Variants in TLR4 observed in about 807,000 individuals in gnomAD.
TLR4 encodes the protein toll-like receptor 4.
A neutral mutation model predicts 27.4 loss-of-function variants in TLR4; 17 were observed. The observed-to-expected ratio is 0.62, with a 90% CI of 0.42 to 0.93. The LOEUF is 0.93. Among genes scored for constraint, TLR4 ranks in the 40% least tolerant of loss-of-function variants. The pLI is 0.00. For synonymous variants in TLR4, 363 were observed against 365.7 expected (o/e 0.99, Z 0.08); for missense variants, 926 against 962.3 (o/e 0.96, Z 0.50).
Position 117,713,214 on chromosome 9 carries a change from A to C in TLR4, c.1086A>C (p.Lys362Asn), listed in dbSNP as rs778840011. 2.5e-6 allele frequency: 4 copies of C among 1,613,904 alleles called. No individual in the cohort carries two copies. The East Asian group carries it at 8.9e-5, about 36-fold the overall frequency. Reference protein sequence around the residue: ...SLKRLTFTSNKGGNAFSEVDL... With the variant: ...SLKRLTFTSNNGGNAFSEVDL... ...AAAGGCTTACTTTCACTTCCAACAA[A>C]GGTGGGAATGCTTTTTCAGAAGTTG... Residue 362 changes from lysine (K) to asparagine (N), a missense_variant, in exon 3 of 3, where the codon AAA (lysine) becomes AAC (asparagine). Coordinates refer to ENST00000355622, the MANE Select transcript of TLR4 (RefSeq NM_138554.5).
At position 117,714,658 on chromosome 9, in the gene TLR4, AT is replaced by A; in HGVS notation, c.*11del. On this transcript the variant is annotated 3_prime_UTR_variant, in exon 3 of 3. Coordinates refer to ENST00000355622, the MANE Select transcript of TLR4 (RefSeq NM_138554.5). ...AGCAACATCTATCTGAAGAGGAAAAATAAAAACCTCCTGAGGCATTTCTTGC... is the reference window on the plus strand; with the variant it reads ...AGCAACATCTATCTGAAGAGGAAAAAAAAAACCTCCTGAGGCATTTCTTGC... The A allele has an allele frequency of 6.2e-7, 1 of 1,610,992 alleles. No individual in the cohort carries two copies. The highest frequency in any genetic ancestry group is 8.5e-7 in the Non-Finnish European group (1 of 1,179,160).
chr9:117,712,480 G>A lies in TLR4; in HGVS notation c.352G>A (p.Ala118Thr), dbSNP rs199508096. The A allele has an allele frequency of 6.2e-7, 1 of 1,613,866 alleles. No individual in the cohort carries two copies. The highest frequency in any genetic ancestry group is 8.5e-7 in the Non-Finnish European group (1 of 1,179,900). The change falls in exon 3 of 3, where the codon GCC (alanine) becomes ACC (threonine). Residue 118 changes from alanine (A) to threonine (T), a missense_variant. Physicochemically the swap from Ala to Thr is moderately conservative, Grantham distance 58. Coordinates refer to ENST00000355622, the MANE Select transcript of TLR4 (RefSeq NM_138554.5). ...ILTGNPIQSLALGAFSGLSSL... is the reference protein window; with the variant it reads ...ILTGNPIQSLTLGAFSGLSSL... ...GACAGGAAACCCCATCCAGAGTTTAGCCCTGGGAGCCTTTTCTGGACTATC... is the reference window on the plus strand; with the variant it reads ...GACAGGAAACCCCATCCAGAGTTTAACCCTGGGAGCCTTTTCTGGACTATC...
In TLR4 at chr9:117,716,457, A is replaced by G. The variant is rs1322737418; in HGVS notation, c.*1809A>G. The G allele has an allele frequency of 6.6e-6, 1 of 152,234 alleles. No individual in the cohort carries two copies. Among genetic ancestry groups the G allele is most frequent in the Non-Finnish European group, 1.5e-5 (1 of 68,028 alleles). 9.4% of individuals were successfully genotyped at this position (152,234 alleles called of 1,614,324 possible). On this transcript the variant is annotated 3_prime_UTR_variant, in exon 3 of 3. Transcript: ENST00000355622. ...GCCATTATGCTATGTAAAATGAGCA[A>G]GTAACAGAAAGACAAATACTGCCTG...
In TLR4 at chr9:117,717,220, C is replaced by G. The variant is rs1312971943; in HGVS notation, c.*2572C>G. ...TCTATGGCTGTTTGAGATGAGTTCT[C>G]TACTCTTGTGCTTGTACAGTAGTCT... On this transcript the variant is annotated 3_prime_UTR_variant, in exon 3 of 3. Transcript: ENST00000355622. 6.6e-6 allele frequency: 1 copy of G among 152,098 alleles called. No homozygotes were observed. Among genetic ancestry groups the G allele is most frequent in the African/African-American group, 2.4e-5 (1 of 41,438 alleles). 9.4% of individuals were successfully genotyped at this position (152,098 alleles called of 1,614,324 possible).
At position 117,719,610 on chromosome 9, in the gene TLR4, A is replaced by G. The variant is rs1829400148; in HGVS notation, c.*4962A>G. On this transcript the variant is annotated 3_prime_UTR_variant, in exon 3 of 3. Transcript: ENST00000355622. Reference sequence around the variant, plus strand: ...AAGATTTTTTAACAGTGAACAAATCAGGCCCACTAGATGATGGCCTTTCTT... The same window carrying G: ...AAGATTTTTTAACAGTGAACAAATCGGGCCCACTAGATGATGGCCTTTCTT... The G allele has an allele frequency of 6.6e-6, 1 of 152,174 alleles. No homozygotes were observed. Among genetic ancestry groups the G allele is most frequent in the Non-Finnish European group, 1.5e-5 (1 of 68,026 alleles). The allele number at this position is 152,174 out of a possible 1,614,324, so 9.4% of individuals were successfully genotyped here. A position where few individuals can be genotyped will look rare whatever the true frequency, so the allele number is the denominator to read the frequency against.
In TLR4 at chr9:117,712,489, G is replaced by T. The variant is rs199985705; in HGVS notation, c.361G>T (p.Ala121Ser). The T allele has an allele frequency of 2.4e-5, 39 of 1,613,894 alleles. No individual in the cohort carries two copies. In the East Asian group the frequency reaches 6.2e-4, roughly 26 times the overall value. Reference sequence around the variant, plus strand: ...CCCCATCCAGAGTTTAGCCCTGGGAGCCTTTTCTGGACTATCAAGTTTACA... The same window carrying T: ...CCCCATCCAGAGTTTAGCCCTGGGATCCTTTTCTGGACTATCAAGTTTACA... The part of the protein sequence containing the change: ...GNPIQSLALG[A>S]FSGLSSLQKL... Residue 121 changes from alanine (A) to serine (S), a missense_variant, in exon 3 of 3, where the codon GCC becomes TCC. Transcript: ENST00000355622.
chr9:117,705,353 A>T (rs920869353), intron 1 of TLR4, among the ~76,000 whole-genome samples: 13 of 152,202 alleles, frequency 8.5e-5, no homozygotes, highest in African/African-American at 3.1e-4. Context: ...CAAGAGAGAA[A>T]AAGCCAGCTG....
At position 117,714,911 on chromosome 9, in the gene TLR4, C is replaced by T; in HGVS notation, c.*263C>T. 1 of 521,286 alleles carries T rather than the reference C, an allele frequency of 1.9e-6. No homozygotes were observed. Among genetic ancestry groups the T allele is most frequent in the Non-Finnish European group, 3.5e-6 (1 of 288,840 alleles). The allele number at this position is 521,286 out of a possible 1,614,324, so 32.3% of individuals were successfully genotyped here. A position where few individuals can be genotyped will look rare whatever the true frequency, so the allele number is the denominator to read the frequency against. On this transcript the variant is annotated 3_prime_UTR_variant, in exon 3 of 3. Coordinates refer to ENST00000355622, the MANE Select transcript of TLR4 (RefSeq NM_138554.5). ...CCCATGACAAAGAAAGTCATTTCAA[C>T]TCTTACCTCATCAAGTTGAATAAAG...
Position 117,714,408 on chromosome 9 carries a change from G to A in TLR4, c.2280G>A (p.Leu760=), listed in dbSNP as rs758897905. ...AGATTGCTCAGACCTGGCAGTTTCT[G>A]AGCAGTCGTGCTGGTATCATCTTCA... ...EYEIAQTWQF[L]SSRAGIIFIV... Residue 760 remains leucine, a synonymous_variant, in exon 3 of 3, where the codon CTG becomes CTA. Transcript: ENST00000355622. The A allele has an allele frequency of 1.9e-6, 3 of 1,612,058 alleles. No homozygotes were observed. Among genetic ancestry groups the A allele is most frequent in the Non-Finnish European group, 2.5e-6 (3 of 1,178,352 alleles).
In TLR4 at chr9:117,721,480, AT is replaced by A. The variant is rs1238762067; in HGVS notation, c.*6836del. On this transcript the variant is annotated 3_prime_UTR_variant, in exon 3 of 3. Coordinates refer to ENST00000355622, the MANE Select transcript of TLR4 (RefSeq NM_138554.5). ...AAGAATTCCAGGCAGTCTACAGCTG[AT>A]TTTATTTCAATACAACGATTAAAAT... 6.6e-6 allele frequency: 1 copy of A among 152,208 alleles called. No individual in the cohort carries two copies. Among genetic ancestry groups the A allele is most frequent in the East Asian group, 1.9e-4 (1 of 5,198 alleles). The allele number at this position is 152,208 out of a possible 1,614,324, so 9.4% of individuals were successfully genotyped here.
chr9:117,713,689 A>T lies in TLR4; in HGVS notation c.1561A>T (p.Ser521Cys). The change falls in exon 3 of 3, where the codon AGT becomes TGT. Residue 521 changes from serine (S) to cysteine (C), a missense_variant. By Grantham distance (112) the Ser-to-Cys change is moderately radical. Transcript: ENST00000355622. ...LSPTAFNSLS[S>C]LQVLNMSHNN... ...TCCAACAGCATTTAACTCACTCTCCAGTCTTCAGGTACTAAATATGAGCCA... is the reference window on the plus strand; with the variant it reads ...TCCAACAGCATTTAACTCACTCTCCTGTCTTCAGGTACTAAATATGAGCCA... The T allele has an allele frequency of 6.2e-7, 1 of 1,613,978 alleles. No individual in the cohort carries two copies.
Position 117,712,575 on chromosome 9 carries a change from C to A in TLR4, c.447C>A (p.Leu149=), listed in dbSNP as rs1454355891. ...ASLENFPIGH[L]KTLKELNVAH... ...TAGAGAACTTCCCCATTGGACATCT[C>A]AAAACTTTGAAAGAACTTAATGTGG... Residue 149 remains leucine, a synonymous_variant, in exon 3 of 3, where the codon CTC becomes CTA. Transcript: ENST00000355622. 1 of 1,614,014 alleles carries A rather than the reference C, an allele frequency of 6.2e-7. No homozygotes were observed. The highest frequency in any genetic ancestry group is 8.5e-7 in the Non-Finnish European group (1 of 1,179,976).
At position 117,714,353 on chromosome 9, in the gene TLR4, T is replaced by C. The variant is rs988829747; in HGVS notation, c.2225T>C (p.Ile742Thr). 6.2e-7 allele frequency: 1 copy of C among 1,602,080 alleles called. No homozygotes were observed. Among genetic ancestry groups the C allele is most frequent in the South Asian group, 1.1e-5 (1 of 90,904 alleles). ...KVIVVVSQHF[I>T]QSRWCIFEYE... is the part of the protein sequence containing the mutation. ...ATTGTTGTGGTGTCCCAGCACTTCATCCAGAGCCGCTGGTGTATCTTTGAA... is the reference window on the plus strand; with the variant it reads ...ATTGTTGTGGTGTCCCAGCACTTCACCCAGAGCCGCTGGTGTATCTTTGAA... Residue 742 changes from isoleucine (I) to threonine (T), a missense_variant, in exon 3 of 3, where the codon ATC becomes ACC. Coordinates refer to ENST00000355622, the MANE Select transcript of TLR4 (RefSeq NM_138554.5).
rs1248496764 is a variant in TLR4 at position 117,713,051 on chromosome 9, C to A, written c.923C>A (p.Thr308Lys). The A allele has an allele frequency of 3.1e-6, 5 of 1,613,852 alleles. No homozygotes were observed. The highest frequency in any genetic ancestry group is 1.3e-5 in the African/African-American group (1 of 74,926). ...ATTATTGACTTATTTAATTGTTTGA[C>A]AAATGTTTCTTCATTTTCCCTGGTG... Reference protein sequence around the residue: ...DDIIDLFNCLTNVSSFSLVSV... With the variant: ...DDIIDLFNCLKNVSSFSLVSV... The change falls in exon 3 of 3, where the codon ACA (threonine) becomes AAA (lysine). Residue 308 changes from threonine to lysine, a missense_variant. Coordinates refer to ENST00000355622, the MANE Select transcript of TLR4 (RefSeq NM_138554.5).
At position 117,713,526 on chromosome 9, in the gene TLR4, C is replaced by T. The variant is rs1434894255; in HGVS notation, c.1398C>T (p.Ile466=). The T allele has an allele frequency of 2.5e-6, 4 of 1,613,982 alleles. No individual in the cohort carries two copies. The African/African-American group carries it at 4.0e-5, about 16-fold the overall frequency. Residue 466 remains isoleucine (I), a synonymous_variant, in exon 3 of 3, where the codon ATC becomes ATT. Coordinates refer to ENST00000355622, the MANE Select transcript of TLR4 (RefSeq NM_138554.5). ...ACACCAGAGTTGCTTTCAATGGCAT[C>T]TTCAATGGCTTGTCCAGTCTCGAAG... ...HTHTRVAFNG[I]FNGLSSLEVL...
chr9:117,710,184 C>T (rs1042653296), intron 2 of TLR4, among the ~76,000 whole-genome samples: 4 of 151,934 alleles, frequency 2.6e-5, no homozygotes, highest in South Asian at 2.1e-4. Flanking sequence ...GCATAGTACC[C>T]AATAGTTAGT....
At position 117,715,074 on chromosome 9, in the gene TLR4, A is replaced by G. The variant is rs1829320018; in HGVS notation, c.*426A>G. The G allele has an allele frequency of 4.8e-6, 1 of 207,772 alleles. No individual in the cohort carries two copies. The highest frequency in any genetic ancestry group is 1.0e-5 in the Non-Finnish European group (1 of 100,426). 12.9% of individuals were successfully genotyped at this position (207,772 alleles called of 1,614,324 possible). A position where few individuals can be genotyped will look rare whatever the true frequency, so the allele number is the denominator to read the frequency against. ...CACTTTTTCCTTTTTGATTGAATAC[A>G]ATTTAAATTCTACTTGATGACTGCA... On this transcript the variant is annotated 3_prime_UTR_variant, in exon 3 of 3. Coordinates refer to ENST00000355622, the MANE Select transcript of TLR4 (RefSeq NM_138554.5).
chr9:117,712,267 C>G, intron 2 of TLR4, 122 bp from the exon 3 acceptor site: 1 of 983,914 alleles, frequency 1.0e-6, no homozygotes, highest in Non-Finnish European at 1.6e-6. Flanking sequence ...ATGTCTTTGC[C>G]TATGCACAAT....
Position 117,714,283 on chromosome 9 carries a change from G to T in TLR4, c.2155G>T (p.Ala719Ser). The T allele has an allele frequency of 6.3e-7, 1 of 1,593,682 alleles. No homozygotes were observed. Among genetic ancestry groups the T allele is most frequent in the Non-Finnish European group, 8.6e-7 (1 of 1,165,318 alleles). The change falls in exon 3 of 3, where the codon GCT becomes TCT. Residue 719 changes from alanine to serine, a missense_variant. Transcript: ENST00000355622. ...YRDFIPGVAI[A>S]ANIIHEGFHK... ...AGACTTTATTCCCGGTGTGGCCATT[G>T]CTGCCAACATCATCCATGAAGGTTT...
Sources: gnomAD v4.1 joint callset for allele counts (sites outside exome capture counted in the v4.1 genomes callset) on GRCh38, gnomAD v4.1.1 for gene constraint, MANE v1.5 for transcripts, NCBI Gene and HGNC (gene_info 2026-07-23, HGNC 2026-07-21) for gene names.